KLHL20: variants seen among roughly 807,000 people sequenced by gnomAD.
The protein encoded by KLHL20 is kelch-like protein 20.
KLHL20 carries 29 observed loss-of-function variants against 69.5 expected under a neutral mutation model. The ratio of observed to expected loss-of-function variants is 0.42; its 90% CI spans 0.31 to 0.57. KLHL20 has a LOEUF of 0.57. KLHL20 is among the 20% of genes least tolerant of loss of function. KLHL20 has a pLI of 0.18. For synonymous variants in KLHL20, 253 were observed against 265.2 expected, an observed-to-expected ratio of 0.95 and a Z score of 0.45; for missense variants, 419 against 776.0, an observed-to-expected ratio of 0.54 and a Z score of 5.47.
chr1:173,785,040 G>A, intron 11 of KLHL20, 123 bp from the exon 12 acceptor site: 1 of 719,484 alleles, frequency 1.4e-6, no homozygotes, highest in Non-Finnish European at 2.3e-6. Flanking sequence ...GTGTGAAGCT[G>A]AAAATATTAG....
At chr1:173,783,771 G>T (rs1205016307) in intron 11 of KLHL20, among the ~76,000 whole-genome samples, 1 of 152,068 alleles carries the variant, frequency 6.6e-6, no homozygotes, top group Non-Finnish European at 1.5e-5. Flanking sequence ...GGGAGGCTGA[G>T]GCAGGAGAAT....
intron 2 of KLHL20, among the ~76,000 whole-genome samples, chr1:173,721,714 G>T (rs567825382): frequency 6.6e-6 from 1 of 152,162 alleles, no homozygotes; most frequent in African/African-American, 2.4e-5. Context: ...CAAATAAAGA[G>T]GTTAATAGCT....
At position 173,785,275 on chromosome 1, in the gene KLHL20, T is replaced by C; in HGVS notation, c.*28T>C. 1 of 1,506,238 alleles carries C rather than the reference T, an allele frequency of 6.6e-7. No individual in the cohort carries two copies. Among genetic ancestry groups the C allele is most frequent in the Non-Finnish European group, 9.1e-7 (1 of 1,104,188 alleles). The allele number at this position is 1,506,238 out of a possible 1,614,324, so 93.3% of individuals were successfully genotyped here. A position where few individuals can be genotyped will look rare whatever the true frequency, so the allele number is the denominator to read the frequency against. ...ACAGAGAAGACAGTCTTGTATATATTCCTCTGTATTCTGGGGAGCTTTGAC... is the reference window on the plus strand; with the variant it reads ...ACAGAGAAGACAGTCTTGTATATATCCCTCTGTATTCTGGGGAGCTTTGAC... On this transcript the variant is annotated 3_prime_UTR_variant, in exon 12 of 12. Coordinates refer to ENST00000209884, the MANE Select transcript of KLHL20 (RefSeq NM_014458.4).
chr1:173,770,525 C>G (rs1354758194), intron 8 of KLHL20, among the ~76,000 whole-genome samples: 1 of 151,898 alleles, frequency 6.6e-6, no homozygotes, highest in Non-Finnish European at 1.5e-5. Flanking sequence ...TGGTGAAACC[C>G]CATCTCTACT....
chr1:173,733,715 G>A lies in KLHL20; in HGVS notation c.26G>A (p.Cys9Tyr), dbSNP rs149944512. Reference protein sequence around the residue: MEGKPMRRCTNIRPGETGM... With the variant: MEGKPMRRYTNIRPGETGM... ...TCTCTCCCCCATCATTCCTATAGGT[G>A]TACCAACATTCGACCAGGAGAGACT... The change falls in exon 3 of 12, where the codon TGT (cysteine) becomes TAT (tyrosine). Residue 9 changes from cysteine to tyrosine, a missense_variant and splice_region_variant. By Grantham distance (194) the Cys-to-Tyr change is radical (BLOSUM62 -2). Coordinates refer to ENST00000209884, the MANE Select transcript of KLHL20 (RefSeq NM_014458.4). 4.3e-6 allele frequency: 7 copies of A among 1,610,746 alleles called. No homozygotes were observed. The African/African-American group carries it at 9.4e-5, about 22-fold the overall frequency.
chr1:173,779,036 T>A (rs1162839797), intron 10 of KLHL20, among the ~76,000 whole-genome samples: 1 of 152,136 alleles, frequency 6.6e-6, no homozygotes, highest in Non-Finnish European at 1.5e-5. Context: ...CATTGTTATG[T>A]TATTTGAAGT....
At position 173,782,218 on chromosome 1, in the gene KLHL20, C is replaced by A. The variant is rs1313557514; in HGVS notation, c.1733C>A (p.Ala578Asp). The A allele has an allele frequency of 1.2e-6, 2 of 1,612,298 alleles. No homozygotes were observed. Among genetic ancestry groups the A allele is most frequent in the South Asian group, 2.2e-5 (2 of 91,046 alleles). Residue 578 changes from alanine (A) to aspartate (D), a missense_variant, in exon 11 of 12, where the codon GCC (alanine) becomes GAC (aspartate). Physicochemically the swap from Ala to Asp is moderately radical, Grantham distance 126. Coordinates refer to ENST00000209884, the MANE Select transcript of KLHL20 (RefSeq NM_014458.4). ...ACCATAGAAGTTTTTGATCCTGATG[C>A]CAATACATGGAGGTAACTTTTAAGC... ...LKTIEVFDPD[A>D]NTWRLYGGMN...
At chr1:173,759,186 C>T (rs542425575) in intron 7 of KLHL20, among the ~76,000 whole-genome samples, 29 of 152,206 alleles carry the variant, frequency 1.9e-4, no homozygotes, top group Non-Finnish European at 3.5e-4. Flanking sequence ...CTCAAGTGAC[C>T]TAGGAATCTC....
chr1:173,720,300 G>A (rs778592239), intron 2 of KLHL20, among the ~76,000 whole-genome samples: 1 of 151,414 alleles, frequency 6.6e-6, no homozygotes, highest in Non-Finnish European at 1.5e-5. Flanking sequence ...GTTAATTAAG[G>A]ACACCATAAA....
chr1:173,733,706 C>A lies in KLHL20; in HGVS notation c.24-7C>A. 1.2e-6 allele frequency: 2 copies of A among 1,603,760 alleles called. No homozygotes were observed. The highest frequency in any genetic ancestry group is 1.1e-5 in the South Asian group (1 of 90,172). On this transcript the variant is annotated splice_region_variant and splice_polypyrimidine_tract_variant and intron_variant, in intron 2 of 11. Coordinates refer to ENST00000209884, the MANE Select transcript of KLHL20 (RefSeq NM_014458.4). ...CATCTTCTCTCTCTCCCCCATCATT[C>A]CTATAGGTGTACCAACATTCGACCA... is the stretch of plus-strand genomic sequence containing the variant.
intron 2 of KLHL20, among the ~76,000 whole-genome samples, chr1:173,727,177 C>T (rs202054418): frequency 6.7e-6 from 1 of 148,490 alleles, no homozygotes; most frequent in Non-Finnish European, 1.5e-5. Context: ...TGAAATGAAG[C>T]AAGAAGAGAA....
Position 173,770,361 on chromosome 1 carries a change from A to G in KLHL20, c.1296-3944A>G, listed in dbSNP as rs568785342. On this transcript the variant is annotated intron_variant, in intron 8 of 11. Coordinates refer to ENST00000209884, the MANE Select transcript of KLHL20 (RefSeq NM_014458.4). ...GATAATAAGCAAAACAGATAATGCCATAAGACAAATAGAAGGCGAAAAGAG... is the reference window on the plus strand; with the variant it reads ...GATAATAAGCAAAACAGATAATGCCGTAAGACAAATAGAAGGCGAAAAGAG... Among the ~76,000 whole-genome samples, 6 of 152,314 alleles carry G rather than the reference A, an allele frequency of 3.9e-5. No individual in the cohort carries two copies. The East Asian group carries it at 7.7e-4, about 20-fold the overall frequency.
At chr1:173,733,084 A>G (rs1266080383) in intron 2 of KLHL20, among the ~76,000 whole-genome samples, 1 of 149,346 alleles carries the variant, frequency 6.7e-6, no homozygotes, top group African/African-American at 2.5e-5. Context: ...CAGTGATGCA[A>G]TCTCGGCTTA....
chr1:173,755,584 T>A (rs1158892944), intron 5 of KLHL20, among the ~76,000 whole-genome samples: 1 of 152,222 alleles, frequency 6.6e-6, no homozygotes, highest in African/African-American at 2.4e-5. Context: ...TCTTGCAGAA[T>A]CTAATAAAAT....
intron 2 of KLHL20, among the ~76,000 whole-genome samples, chr1:173,723,098 G>A (rs1267918905): frequency 6.6e-6 from 1 of 152,188 alleles, no homozygotes; most frequent in Non-Finnish European, 1.5e-5. Flanking sequence ...GCATCTTTAT[G>A]TATGTAACTA....
At position 173,757,165 on chromosome 1, in the gene KLHL20, T is replaced by G. The variant is rs1673585970; in HGVS notation, c.1151+6T>G. 8 of 1,597,738 alleles carry G rather than the reference T, an allele frequency of 5.0e-6. No individual in the cohort carries two copies. Among genetic ancestry groups the G allele is most frequent in the Middle Eastern group, 3.3e-4 (2 of 6,018 alleles). On this transcript the variant is annotated splice_donor_region_variant and intron_variant, in intron 7 of 11. Transcript: ENST00000209884. ...TATCTCAATAGTGTTGAAAGGTGAG[T>G]AAGGTCAATCTGTAATTTTCTCTCT...
intron 2 of KLHL20, among the ~76,000 whole-genome samples, chr1:173,717,059 A>G (rs2102446591): frequency 6.6e-6 from 1 of 152,290 alleles, no homozygotes; most frequent in East Asian, 1.9e-4. Flanking sequence ...TATCTTATTT[A>G]TATTTTACTC....
chr1:173,748,464 G>A (rs10912681), intron 3 of KLHL20, among the ~76,000 whole-genome samples: 8,765 of 152,118 alleles, frequency 0.058, 812 homozygotes, highest in African/African-American at 0.19. Flanking sequence ...ATTAATTAAT[G>A]TTGATAGAAT....
intron 8 of KLHL20, among the ~76,000 whole-genome samples, chr1:173,769,274 A>T (rs1296573655): frequency 6.6e-6 from 1 of 152,230 alleles, no homozygotes; most frequent in African/African-American, 2.4e-5. Flanking sequence ...AGGGGATGAG[A>T]AAGGGGGGAT....
Sources: gnomAD v4.1 joint callset for allele counts (sites outside exome capture counted in the v4.1 genomes callset) on GRCh38, gnomAD v4.1.1 for gene constraint, MANE v1.5 for transcripts, NCBI Gene and HGNC (gene_info 2026-07-23, HGNC 2026-07-21) for gene names.